Variants in SND1 observed in about 807,000 individuals in gnomAD.
The protein encoded by SND1 is staphylococcal nuclease domain-containing protein 1.
Under a neutral mutation model 121.7 loss-of-function variants are expected in SND1, and 38 were observed. That is an observed-to-expected ratio of 0.31 (90% CI 0.24 to 0.41). The LOEUF (loss-of-function observed/expected upper bound fraction) is 0.41, where lower values mean the gene tolerates loss of function less well. Among genes scored for constraint, SND1 ranks in the 10% least tolerant of loss-of-function variants. SND1 has a pLI of 1.00. For missense variants in SND1, 868 were observed against 1,184.6 expected (o/e 0.73, Z 3.92); for synonymous variants, 401 against 447.4 (o/e 0.90, Z 1.31).
chr7:128,059,231 G>A (rs1002362236), intron 16 of SND1, among the ~76,000 whole-genome samples: 115 of 152,276 alleles, frequency 7.6e-4, no homozygotes, highest in African/African-American at 2.7e-3. Flanking sequence ...AGTGCTCAGA[G>A]CTGGCTCTCT....
At chr7:128,064,750 C>A (rs1793285784) in intron 16 of SND1, among the ~76,000 whole-genome samples, 1 of 151,958 alleles carries the variant, frequency 6.6e-6, no homozygotes, top group Admixed American at 6.6e-5. Flanking sequence ...ATTCAAGGGC[C>A]ATGTTGTTGG....
At chr7:128,065,003 G>C (rs1250917406) in intron 16 of SND1, among the ~76,000 whole-genome samples, 2 of 152,210 alleles carry the variant, frequency 1.3e-5, no homozygotes, top group Non-Finnish European at 2.9e-5. Context: ...AAGTGAAAAG[G>C]GGCTGGCAAT....
At chr7:127,799,370 C>G (rs895453982) in intron 10 of SND1, among the ~76,000 whole-genome samples, 1 of 152,156 alleles carries the variant, frequency 6.6e-6, no homozygotes, top group Non-Finnish European at 1.5e-5. Flanking sequence ...TGATCCTTAC[C>G]AGGTAGGACT....
intron 9 of SND1, among the ~76,000 whole-genome samples, chr7:127,717,372 G>A (rs1220689554): frequency 6.6e-6 from 1 of 150,666 alleles, no homozygotes; most frequent in South Asian, 2.1e-4. Flanking sequence ...TTTTTGTTTT[G>A]GATGACTTTG....
chr7:128,080,363 C>T (rs1291928300), intron 17 of SND1, among the ~76,000 whole-genome samples: 3 of 152,226 alleles, frequency 2.0e-5, no homozygotes, highest in Non-Finnish European at 4.4e-5. Context: ...GCCCTGACAG[C>T]ACAGGGCTTT....
At chr7:127,812,944 CT>C (rs1798359839) in intron 11 of SND1, among the ~76,000 whole-genome samples, 1 of 152,074 alleles carries the variant, frequency 6.6e-6, no homozygotes, top group Non-Finnish European at 1.5e-5. Context: ...CATTTTTCAC[CT>C]CATATTAATT....
rs569661149 is a variant in SND1, at chr7:127,877,505, G to T, written c.1344-10397G>T. Among the ~76,000 whole-genome samples, 51 of 152,212 alleles carry T rather than the reference G, an allele frequency of 3.4e-4. 1 individual carries two copies. In the South Asian group the frequency reaches 9.7e-3, roughly 29 times the overall value. Reference sequence around the variant, plus strand: ...TAGGAAGGGAATAAGTAGAAATGAGGTAATGGGTATGCTGTTTCTCAGAGA... The same window carrying T: ...TAGGAAGGGAATAAGTAGAAATGAGTTAATGGGTATGCTGTTTCTCAGAGA... On this transcript the variant is annotated intron_variant, in intron 12 of 23. Coordinates refer to ENST00000354725, the MANE Select transcript of SND1 (RefSeq NM_014390.4).
chr7:127,929,426 C>A, intron 15 of SND1, 97 bp downstream of exon 15: 3 of 1,219,670 alleles, frequency 2.5e-6, no homozygotes, highest in Non-Finnish European at 3.6e-6. Flanking sequence ...GGCCCTAGAG[C>A]CCACCAGCAT....
chr7:127,747,130 G>A (rs1796996476), intron 10 of SND1, among the ~76,000 whole-genome samples: 1 of 152,204 alleles, frequency 6.6e-6, no homozygotes, highest in Admixed American at 6.5e-5. Flanking sequence ...GAATTTGTAT[G>A]TAGAAATGAA....
chr7:127,668,155 C>A (rs545561152), intron 1 of SND1, among the ~76,000 whole-genome samples: 1 of 152,254 alleles, frequency 6.6e-6, no homozygotes, highest in South Asian at 2.1e-4. Context: ...CAGACCCTAC[C>A]CCAAAACTAG....
At chr7:127,840,735 G>A (rs1172472209) in intron 11 of SND1, among the ~76,000 whole-genome samples, 9 of 152,200 alleles carry the variant, frequency 5.9e-5, no homozygotes, top group Admixed American at 5.9e-4. Flanking sequence ...ATCCACAGGG[G>A]AGGGACACAA....
At chr7:127,959,357 A>T (rs1437867896) in intron 15 of SND1, among the ~76,000 whole-genome samples, 1 of 152,130 alleles carries the variant, frequency 6.6e-6, no homozygotes. Flanking sequence ...GTAGCTGTCT[A>T]TGTATGTCTT....
chr7:127,988,565 G>A (rs1437249711), intron 15 of SND1, among the ~76,000 whole-genome samples: 2 of 152,192 alleles, frequency 1.3e-5, no homozygotes, highest in Admixed American at 1.3e-4. Flanking sequence ...GAGCCATCAT[G>A]TTTTCTCAAT....
chr7:128,029,114 T>G lies in SND1; in HGVS notation c.1779+38058T>G, dbSNP rs944590490. On this transcript the variant is annotated intron_variant, in intron 16 of 23. Transcript: ENST00000354725. This position sits in a 1 kb window ranked among gnomAD's most constrained non-coding sequence, Gnocchi z 4.2. ...TGGTCTGCATCTTGTCAGTGGTGTCTGTCGCGGGTACTGCCACCTGCTTGG... is the reference window on the plus strand; with the variant it reads ...TGGTCTGCATCTTGTCAGTGGTGTCGGTCGCGGGTACTGCCACCTGCTTGG... 1 of 1,614,068 alleles carries G rather than the reference T, an allele frequency of 6.2e-7. No homozygotes were observed. Among genetic ancestry groups the G allele is most frequent in the African/African-American group, 1.3e-5 (1 of 74,918 alleles).
chr7:127,871,951 C>T (rs1799597075), intron 12 of SND1, among the ~76,000 whole-genome samples: 1 of 151,930 alleles, frequency 6.6e-6, no homozygotes, highest in South Asian at 2.1e-4. Flanking sequence ...GGCAACATAG[C>T]GACACCCCAT....
intron 4 of SND1, among the ~76,000 whole-genome samples, chr7:127,700,041 G>A (rs186150697): frequency 3.6e-4 from 55 of 152,258 alleles, no homozygotes; most frequent in Non-Finnish European, 7.4e-4. Context: ...TTTTGGTGGT[G>A]TTTTTGGACG....
At chr7:128,089,406 T>C (rs1269488779) in intron 21 of SND1, 83 bp from the exon 22 acceptor site, 2 of 1,391,176 alleles carry the variant, frequency 1.4e-6, no homozygotes, top group Non-Finnish European at 2.0e-6. Context: ...CTGGCCAGAC[T>C]TTCTTGGGAG....
chr7:127,903,709 AC>A (rs1243642544), intron 13 of SND1, among the ~76,000 whole-genome samples: 2 of 152,134 alleles, frequency 1.3e-5, no homozygotes, highest in Non-Finnish European at 2.9e-5. Flanking sequence ...CCTGAAAGTA[AC>A]CCCTGCAGAA....
intron 10 of SND1, among the ~76,000 whole-genome samples, chr7:127,802,575 T>C (rs1197729463): frequency 6.6e-6 from 1 of 152,210 alleles, no homozygotes; most frequent in Non-Finnish European, 1.5e-5. Flanking sequence ...TCCGCCCTGC[T>C]TACTGGTTGC....
Sources: gnomAD v4.1 joint callset for allele counts (sites outside exome capture counted in the v4.1 genomes callset) on GRCh38, gnomAD v4.1.1 for gene constraint, Gnocchi (gnomAD v3.1) non-coding constraint, MANE v1.5 for transcripts, NCBI Gene and HGNC (gene_info 2026-07-23, HGNC 2026-07-21) for gene names.